CWC25: variants seen among roughly 807,000 people sequenced by gnomAD.
The protein encoded by CWC25 is pre-mRNA-splicing factor CWC25 homolog.
In CWC25, 31 loss-of-function variants were observed where a neutral mutation model predicts 54.6. The observed-to-expected ratio is 0.57, with a 90% CI of 0.43 to 0.77. The LOEUF (loss-of-function observed/expected upper bound fraction) is 0.77. Ranked by LOEUF, CWC25 falls within the 30% of genes least tolerant of loss-of-function variation. The probability of loss-of-function intolerance (pLI) is 0.00; values close to 1 mark genes in which losing one functional copy is unlikely to be tolerated. For synonymous variants in CWC25, 151 were observed against 187.0 expected, an observed-to-expected ratio of 0.81 and a Z score of 1.57; for missense variants, 453 against 529.3, an observed-to-expected ratio of 0.86 and a Z score of 1.41.
At chr17:38,803,837 A>C (rs927421786) in intron 8 of CWC25, among the ~76,000 whole-genome samples, 2 of 152,030 alleles carry the variant, frequency 1.3e-5, no homozygotes, top group Admixed American at 6.6e-5. Context: ...CAAGAGTTCA[A>C]GACCAGCCTA....
At chr17:38,819,848 T>C (rs765028589) in intron 2 of CWC25, among the ~76,000 whole-genome samples, 2 of 151,922 alleles carry the variant, frequency 1.3e-5, no homozygotes, top group Non-Finnish European at 1.5e-5. Context: ...AATTTTTGTA[T>C]TTTAATAGAG....
intron 4 of CWC25, 73 bp from the exon 5 acceptor site, chr17:38,810,668 C>A: frequency 1.3e-6 from 1 of 788,066 alleles, no homozygotes; most frequent in Non-Finnish European, 2.2e-6. Context: ...GCCTGTAATC[C>A]CAGCACTTTG....
In CWC25 at chr17:38,805,513, T is replaced by A. The variant is rs181689136; in HGVS notation, c.1001+784A>T. On this transcript the variant is annotated intron_variant, in intron 8 of 9. Coordinates refer to ENST00000614790, the MANE Select transcript of CWC25 (RefSeq NM_017748.5). The stretch of plus-strand genomic sequence containing the variant: ...ATTTTTTGTAGAGATAGTGTCTTAT[T>A]ATGTTGCTCAGACTGGTCTGGAACT... 5.0e-4 allele frequency among the ~76,000 whole-genome samples: 76 copies of A among 152,258 alleles called. 1 individual carries two copies. In the East Asian group the frequency reaches 0.012, roughly 25 times the overall value.
chr17:38,807,074 C>G (rs1911278429), intron 6 of CWC25, 98 bp from the exon 7 acceptor site: 1 of 934,598 alleles, frequency 1.1e-6, no homozygotes, highest in Admixed American at 2.5e-5. Context: ...GTAATCCCAG[C>G]ACTTTGGGAG....
intron 3 of CWC25, among the ~76,000 whole-genome samples, chr17:38,814,632 G>A (rs1439477680): frequency 6.7e-6 from 1 of 149,736 alleles, no homozygotes. Context: ...TGTAATCCCA[G>A]CTACTCGGGA....
In CWC25 at chr17:38,800,495, T is replaced by A. The variant is rs981478037; in HGVS notation, c.*1597A>T. The A allele has an allele frequency of 1.3e-5, 2 of 151,776 alleles. No homozygotes were observed. Among genetic ancestry groups the A allele is most frequent in the Non-Finnish European group, 3.0e-5 (2 of 67,774 alleles). 9.4% of individuals were successfully genotyped at this position (151,776 alleles called of 1,614,324 possible). A position where few individuals can be genotyped will look rare whatever the true frequency, so the allele number is the denominator to read the frequency against. On this transcript the variant is annotated 3_prime_UTR_variant, in exon 10 of 10. Coordinates refer to ENST00000614790, the MANE Select transcript of CWC25 (RefSeq NM_017748.5). ...TTTATTACCAATTATAAAATAAACA[T>A]AATTAACCCCGGCATAATGAAGTGA...
rs781185545 is a variant in CWC25, at chr17:38,822,712, G to C, written c.19-1639C>G. 1.1e-4 allele frequency among the ~76,000 whole-genome samples: 17 copies of C among 152,280 alleles called. No individual in the cohort carries two copies. The Middle Eastern group carries it at 0.01, about 91-fold the overall frequency. On this transcript the variant is annotated intron_variant, in intron 1 of 9. Transcript: ENST00000614790. ...AGTCCTGGTGGTGAGAAAGAACATA[G>C]CAATAATTCAGTGTGGCTGGAGATG...
At position 38,806,939 on chromosome 17, in the gene CWC25, G is replaced by T; in HGVS notation, c.728C>A (p.Pro243His). Residue 243 changes from proline to histidine, a missense_variant, in exon 7 of 10, where the codon CCT becomes CAT. Pro to His is a moderately conservative substitution (Grantham distance 77). Around this residue, in one of 2 missense-constraint regions of CWC25, gnomAD observed 444 missense variants for 499.2 expected, o/e 0.89. Transcript: ENST00000614790. ...NSDRNQGLQG[P>H]LTAEQKRGHG... ...CCCTCTCTTTTGCTCTGCTGTCAGA[G>T]GACCCTGAAGACCCTGGTTACGGTC... 1.2e-6 allele frequency: 2 copies of T among 1,613,738 alleles called. No homozygotes were observed. Among genetic ancestry groups the T allele is most frequent in the Non-Finnish European group, 1.7e-6 (2 of 1,179,810 alleles).
intron 8 of CWC25, among the ~76,000 whole-genome samples, chr17:38,804,887 A>G (rs1344610874): frequency 6.6e-6 from 1 of 151,296 alleles, no homozygotes; most frequent in Non-Finnish European, 1.5e-5. Context: ...CAGGCAGATC[A>G]CCTGAGGTTG....
chr17:38,818,364 C>A (rs190937868), intron 2 of CWC25, among the ~76,000 whole-genome samples: 3 of 151,674 alleles, frequency 2.0e-5, no homozygotes, highest in Admixed American at 6.6e-5. Flanking sequence ...GAGGCCGAGG[C>A]GGGCGGATCA....
chr17:38,809,082 C>CAAA lies in CWC25; in HGVS notation c.690+617_690+619dup, dbSNP rs1402224890. On this transcript the variant is annotated intron_variant, in intron 6 of 9. Transcript: ENST00000614790. ...GGCAAAATAATGATGCACTGCTACTCAAAAAAAAAAAAAAAGAACCCAGCA... is the reference window on the plus strand; with the variant it reads ...GGCAAAATAATGATGCACTGCTACTCAAAAAAAAAAAAAAAAAAGAACCCAGCA... Among the ~76,000 whole-genome samples, 11 of 120,084 alleles carry CAAA rather than the reference C, an allele frequency of 9.2e-5. 1 individual carries two copies. Among genetic ancestry groups the CAAA allele is most frequent in the African/African-American group, 3.0e-4 (10 of 32,900 alleles). 78.8% of individuals were successfully genotyped at this position (120,084 alleles called of 152,430 possible).
At chr17:38,823,460 A>T in intron 1 of CWC25, among the ~76,000 whole-genome samples, 2 of 149,834 alleles carry the variant, frequency 1.3e-5, no homozygotes. Context: ...CCTGGCTGAG[A>T]CTCCATCTTA....
At chr17:38,806,641 G>A (rs1202648137) in intron 7 of CWC25, 124 bp downstream of exon 7, 31 of 935,480 alleles carry the variant, frequency 3.3e-5, no homozygotes, top group Middle Eastern at 3.3e-4. Context: ...TGATGTAAAG[G>A]AAATACCAAA....
chr17:38,806,830 T>A lies in CWC25; in HGVS notation c.837A>T (p.Ala279=), dbSNP rs904199350. 1.9e-6 allele frequency: 3 copies of A among 1,613,336 alleles called. No individual in the cohort carries two copies. Among genetic ancestry groups the A allele is most frequent in the Non-Finnish European group, 2.5e-6 (3 of 1,179,710 alleles). ...RHASKKSTRE[A]GSRDRRSRSL... ...ATCGAGACCTCCTGTCCCGGGACCC[T>A]GCTTCCCTGGTGCTCTTCTTGCTGG... is the stretch of plus-strand genomic sequence containing the variant. Residue 279 remains alanine (A), a synonymous_variant, in exon 7 of 10, where the codon GCA becomes GCT. Coordinates refer to ENST00000614790, the MANE Select transcript of CWC25 (RefSeq NM_017748.5).
At chr17:38,821,942 T>C (rs942926875) in intron 1 of CWC25, among the ~76,000 whole-genome samples, 3 of 151,952 alleles carry the variant, frequency 2.0e-5, no homozygotes, top group Non-Finnish European at 4.4e-5. Context: ...CTAATTTTTG[T>C]ATTTTTTAGT....
intron 9 of CWC25, 120 bp downstream of exon 9, chr17:38,802,580 G>A: frequency 9.3e-7 from 1 of 1,073,174 alleles, no homozygotes; most frequent in South Asian, 1.6e-5. Flanking sequence ...TAGTAGCCAA[G>A]GTGGTCTGAA....
At chr17:38,803,365 C>T (rs1320549378) in intron 8 of CWC25, among the ~76,000 whole-genome samples, 1 of 152,244 alleles carries the variant, frequency 6.6e-6, no homozygotes, top group East Asian at 1.9e-4. Context: ...CATGGTGGCT[C>T]ACGCCTGTAA....
At chr17:38,805,017 G>A (rs1911175565) in intron 8 of CWC25, among the ~76,000 whole-genome samples, 1 of 151,826 alleles carries the variant, frequency 6.6e-6, no homozygotes, top group Non-Finnish European at 1.5e-5. Flanking sequence ...TGAGGCAGGA[G>A]AATCACTTGG....
At position 38,802,136 on chromosome 17, in the gene CWC25, G is replaced by A. The variant is rs1911051895; in HGVS notation, c.1234C>T (p.Gln412Ter). The change falls in exon 10 of 10, where the codon CAG becomes TAG. Residue 412 changes from glutamine (Q) to a stop codon, truncating the protein, a stop_gained. Coordinates refer to ENST00000614790, the MANE Select transcript of CWC25 (RefSeq NM_017748.5). LOFTEE classifies it high-confidence loss of function. The stretch of plus-strand genomic sequence containing the variant: ...TTCTCCAGAGCTACCGAAGTTCTCT[G>A]TAAAGAGTAGATATTCCGCTTCACC... ...DRVKRNIYSL[Q>*]RTSVALEKNF... The A allele has an allele frequency of 1.2e-6, 2 of 1,613,712 alleles. No individual in the cohort carries two copies. Among genetic ancestry groups the A allele is most frequent in the South Asian group, 1.1e-5 (1 of 91,064 alleles).
Sources: allele counts gnomAD v4.1 joint callset (sites outside exome capture counted in the v4.1 genomes callset), GRCh38; gene constraint gnomAD v4.1.1; regional missense constraint gnomAD v4.1.1; transcripts MANE v1.5; gene names NCBI Gene and HGNC (gene_info 2026-07-23, HGNC 2026-07-21).